Variants in UBL3 observed in about 807,000 individuals in gnomAD.
UBL3 encodes ubiquitin-like protein 3.
In UBL3, 6 loss-of-function variants were observed where a neutral mutation model predicts 18.4. That is an observed-to-expected ratio of 0.33 (90% CI 0.18 to 0.64). The LOEUF is 0.64. UBL3 is among the 30% of genes least tolerant of loss of function. The probability of loss-of-function intolerance (pLI) is 0.76; values close to 1 mark genes in which losing one functional copy is unlikely to be tolerated. For missense variants in UBL3, 109 were observed against 142.9 expected (o/e 0.76, Z 1.21); for synonymous variants, 49 against 46.6 (o/e 1.05, Z -0.21).
chr13:29,826,356 T>C (rs1354244254), intron 1 of UBL3, among the ~76,000 whole-genome samples: 2 of 152,222 alleles, frequency 1.3e-5, no homozygotes, highest in Admixed American at 6.5e-5. Context: ...AAGCTATTAA[T>C]CATTGCCTGA....
rs372215647 is a variant in UBL3 at position 29,777,204 on chromosome 13, G to A, written c.87C>T (p.Asn29=). The A allele has an allele frequency of 2.9e-5, 47 of 1,609,834 alleles. No individual in the cohort carries two copies. The East Asian group carries it at 7.1e-4, about 24-fold the overall frequency. Reference sequence around the variant, plus strand: ...GCTTTGCAATGTCAGAAGCAGAATCGTTAGGAGAAAACAGGAACTCTTTTG... The same window carrying A: ...GCTTTGCAATGTCAGAAGCAGAATCATTAGGAGAAAACAGGAACTCTTTTG... ...GKTKEFLFSP[N]DSASDIAKHV... The change falls in exon 2 of 5, where the codon AAC becomes AAT. Residue 29 remains asparagine, a synonymous_variant. Transcript: ENST00000380680.
intron 1 of UBL3, among the ~76,000 whole-genome samples, chr13:29,845,637 A>G (rs1038346846): frequency 1.3e-5 from 2 of 152,094 alleles, no homozygotes; most frequent in African/African-American, 2.4e-5. Context: ...GAGGGCTCCA[A>G]TAATTCTTAC....
intron 1 of UBL3, among the ~76,000 whole-genome samples, chr13:29,831,277 T>C (rs752774531): frequency 2.0e-5 from 3 of 152,200 alleles, no homozygotes; most frequent in Non-Finnish European, 4.4e-5. Flanking sequence ...CAGATTCCTA[T>C]ACTACTTGCT....
intron 1 of UBL3, among the ~76,000 whole-genome samples, chr13:29,834,768 T>C (rs991191921): frequency 1.1e-4 from 17 of 152,082 alleles, no homozygotes; most frequent in South Asian, 6.2e-4. Context: ...AAGTGAAGAA[T>C]GGTCAAAAAG....
At chr13:29,773,088 G>A (rs1876886037) in intron 2 of UBL3, among the ~76,000 whole-genome samples, 1 of 152,094 alleles carries the variant, frequency 6.6e-6, no homozygotes, top group African/African-American at 2.4e-5. Flanking sequence ...CAATTCTAAT[G>A]TGTTTGTTTC....
chr13:29,780,734 T>A (rs977606484), intron 1 of UBL3, among the ~76,000 whole-genome samples: 1 of 152,114 alleles, frequency 6.6e-6, no homozygotes, highest in Admixed American at 6.5e-5. Context: ...ATATTTTCTA[T>A]CTTCAGTGAC....
chr13:29,846,484 T>G (rs1018607348), intron 1 of UBL3, among the ~76,000 whole-genome samples: 14 of 152,138 alleles, frequency 9.2e-5, no homozygotes, highest in South Asian at 2.1e-4. Context: ...AGACTCCTTA[T>G]GCTAAACACA....
In UBL3 at chr13:29,766,109, A is replaced by C. The variant is rs1876671564; in HGVS notation, c.*1146T>G. 1 of 152,594 alleles carries C rather than the reference A, an allele frequency of 6.6e-6. No homozygotes were observed. The highest frequency in any genetic ancestry group is 1.5e-5 in the Non-Finnish European group (1 of 68,006). 9.5% of individuals were successfully genotyped at this position (152,594 alleles called of 1,614,324 possible). On this transcript the variant is annotated 3_prime_UTR_variant, in exon 5 of 5. Transcript: ENST00000380680. ...AAATCTTTCATATTTTTACAGGTTT[A>C]GATGAAAGTAGCTCATGCTTTAGTG... is the stretch of plus-strand genomic sequence containing the variant.
intron 1 of UBL3, among the ~76,000 whole-genome samples, chr13:29,823,437 C>T (rs540423500): frequency 3.9e-5 from 6 of 152,270 alleles, no homozygotes; most frequent in South Asian, 2.1e-4. Flanking sequence ...CCACTGCGCC[C>T]GGCTGCAAAT....
chr13:29,847,336 T>G (rs1879254652), intron 1 of UBL3, among the ~76,000 whole-genome samples: 1 of 152,356 alleles, frequency 6.6e-6, no homozygotes, highest in South Asian at 2.1e-4. Context: ...CATTATATAT[T>G]TATTACATAA....
chr13:29,780,435 T>C (rs1185859573), intron 1 of UBL3, among the ~76,000 whole-genome samples: 1 of 145,686 alleles, frequency 6.9e-6, no homozygotes. Flanking sequence ...TATATATATA[T>C]ATATAGCAAA....
chr13:29,815,522 C>A (rs1318945805), intron 1 of UBL3, among the ~76,000 whole-genome samples: 1 of 152,096 alleles, frequency 6.6e-6, no homozygotes, highest in African/African-American at 2.4e-5. Context: ...ATATGTATAA[C>A]CCACAGCTAA....
chr13:29,778,328 T>C lies in UBL3; in HGVS notation c.28-1065A>G, dbSNP rs151011117. 4.2e-3 allele frequency among the ~76,000 whole-genome samples: 646 copies of C among 152,338 alleles called. 2 individuals are homozygous for C. The highest frequency in any genetic ancestry group is 0.027 in the Middle Eastern group (8 of 294). Reference sequence around the variant, plus strand: ...TAATGTATTTCCCAAATGTTTAATTTTTATCTGTTGTAATTAATTTAATAT... The same window carrying C: ...TAATGTATTTCCCAAATGTTTAATTCTTATCTGTTGTAATTAATTTAATAT... On this transcript the variant is annotated intron_variant, in intron 1 of 4. Transcript: ENST00000380680.
chr13:29,802,624 A>G (rs1251491418), intron 1 of UBL3, among the ~76,000 whole-genome samples: 1 of 152,254 alleles, frequency 6.6e-6, no homozygotes, highest in Non-Finnish European at 1.5e-5. Flanking sequence ...CTGATCTGAT[A>G]GAGGTGAAAA....
At chr13:29,786,875 T>C (rs971173978) in intron 1 of UBL3, among the ~76,000 whole-genome samples, 1 of 85,854 alleles carries the variant, frequency 1.2e-5, no homozygotes, top group Non-Finnish European at 2.5e-5. Flanking sequence ...ACCTACCCTA[T>C]GAGGTAGATA....
Position 29,801,713 on chromosome 13 carries a change from T to C in UBL3, c.28-24450A>G, listed in dbSNP as rs112811282. On this transcript the variant is annotated intron_variant, in intron 1 of 4. Coordinates refer to ENST00000380680, the MANE Select transcript of UBL3 (RefSeq NM_007106.4). ...CTTTAACTATACCTTTAGCAAGTCA[T>C]AGCCACCCTAAGAAGAGGCCAGACT... Among the ~76,000 whole-genome samples, 952 of 152,300 alleles carry C rather than the reference T, an allele frequency of 6.3e-3. 8 individuals are homozygous for C. Among genetic ancestry groups the C allele is most frequent in the Non-Finnish European group, 0.011 (720 of 68,010 alleles).
In UBL3 at chr13:29,804,676, T is replaced by A. The variant is rs1219928723; in HGVS notation, c.28-27413A>T. On this transcript the variant is annotated intron_variant, in intron 1 of 4. Transcript: ENST00000380680. ...TGGGAGACTACTATTAATACTTCTATGCACACAGTCTAAAAAAACCTAGAA... is the reference window on the plus strand; with the variant it reads ...TGGGAGACTACTATTAATACTTCTAAGCACACAGTCTAAAAAAACCTAGAA... Among the ~76,000 whole-genome samples the A allele has an allele frequency of 2.0e-5, 3 of 152,106 alleles. No homozygotes were observed. The East Asian group carries it at 5.8e-4, about 29-fold the overall frequency.
At chr13:29,779,221 C>A in intron 1 of UBL3, 1 of 506,440 alleles carries the variant, frequency 2.0e-6, no homozygotes. Context: ...CTATGCAACA[C>A]AATATGAATT....
chr13:29,785,703 ACTTT>A (rs1469005695), intron 1 of UBL3, among the ~76,000 whole-genome samples: 1 of 152,212 alleles, frequency 6.6e-6, no homozygotes, highest in Non-Finnish European at 1.5e-5. Context: ...TATTTCATAA[ACTTT>A]CTTTTATTCA....
Sources: allele counts gnomAD v4.1 joint callset (sites outside exome capture counted in the v4.1 genomes callset), GRCh38; gene constraint gnomAD v4.1.1; transcripts MANE v1.5; gene names NCBI Gene and HGNC (gene_info 2026-07-23, HGNC 2026-07-21).